The following ATP10B variants were observed in gnomAD, a reference collection of about 807,000 sequenced individuals.
ATP10B encodes the protein ATPase phospholipid transporting 10B (putative), also known as phospholipid-transporting ATPase VB.
In ATP10B, 122 loss-of-function variants were observed where a neutral mutation model predicts 141.2. That is an observed-to-expected ratio of 0.86 (90% confidence interval 0.75 to 1.00). ATP10B has a LOEUF of 1.00. Ranked by LOEUF, ATP10B falls within the 50% of genes least tolerant of loss-of-function variation. ATP10B has a pLI of 0.00. For synonymous variants in ATP10B, 685 were observed against 692.0 expected (o/e 0.99, Z 0.16); for missense variants, 1,876 against 1,825.3 (o/e 1.03, Z -0.51).
intron 2 of ATP10B, among the ~76,000 whole-genome samples, chr5:160,732,744 G>T (rs962796940): frequency 6.6e-6 from 1 of 152,152 alleles, no homozygotes; most frequent in Admixed American, 6.6e-5. Context: ...GCCTCTAGCT[G>T]TATTCATTTT....
intron 3 of ATP10B, among the ~76,000 whole-genome samples, chr5:160,691,983 G>T (rs1764100627): frequency 6.6e-6 from 1 of 152,230 alleles, no homozygotes; most frequent in South Asian, 2.1e-4. Flanking sequence ...GAAATGAAAA[G>T]ATAATTTATG....
At chr5:160,657,966 C>T (rs1333944441) in intron 7 of ATP10B, among the ~76,000 whole-genome samples, 2 of 152,218 alleles carry the variant, frequency 1.3e-5, no homozygotes, top group African/African-American at 4.8e-5. Flanking sequence ...CTTTTCTGTA[C>T]AAATTCTTTC....
At position 160,805,333 on chromosome 5, in the gene ATP10B, C is replaced by T. The variant is rs529678369; in HGVS notation, c.-575-19530G>A. ...TGTCTCCTGCATGGCAGCTCCTCAGCGTATCCACATTAAACAATCACTTGT... is the reference window on the plus strand; with the variant it reads ...TGTCTCCTGCATGGCAGCTCCTCAGTGTATCCACATTAAACAATCACTTGT... On this transcript the variant is annotated intron_variant, in intron 1 of 25. Coordinates refer to ENST00000327245, the MANE Select transcript of ATP10B (RefSeq NM_025153.3). 1.2e-4 allele frequency among the ~76,000 whole-genome samples: 18 copies of T among 152,274 alleles called. No individual in the cohort carries two copies. The South Asian group carries it at 1.9e-3, about 16-fold the overall frequency.
At chr5:160,812,201 G>A (rs1773228376) in intron 1 of ATP10B, among the ~76,000 whole-genome samples, 1 of 152,210 alleles carries the variant, frequency 6.6e-6, no homozygotes, top group African/African-American at 2.4e-5. Flanking sequence ...GAACCACAGT[G>A]TTATTGGGCT....
intron 18 of ATP10B, among the ~76,000 whole-genome samples, chr5:160,608,882 G>A (rs1757554361): frequency 6.6e-6 from 1 of 152,120 alleles, no homozygotes; most frequent in African/African-American, 2.4e-5. Flanking sequence ...TCTGTAGGTT[G>A]CCTGTTCACT....
chr5:160,761,660 T>C (rs1428718165), intron 2 of ATP10B, among the ~76,000 whole-genome samples: 2 of 152,136 alleles, frequency 1.3e-5, no homozygotes, highest in African/African-American at 4.8e-5. Context: ...ATTCTGGTAA[T>C]ATGACAGAAC....
At chr5:160,857,422 T>C in the ATP10B span, among the ~76,000 whole-genome samples, 1 of 151,832 alleles carries the variant, frequency 6.6e-6, no homozygotes. Flanking sequence ...TTGTCTATTC[T>C]CTTGTCAGTC....
chr5:160,692,828 A>T (rs1239031219), intron 3 of ATP10B: 1 of 152,216 alleles, frequency 6.6e-6, no homozygotes, highest in Non-Finnish European at 1.5e-5. Flanking sequence ...ACGGAGGTGG[A>T]TTTGAGGTTT....
rs755812137 is a variant in ATP10B, at chr5:160,644,143, T to C, written c.863A>G (p.Tyr288Cys). Reference sequence around the variant, plus strand: ...GAAACTACCCAGACAATGACCTGCATAGATGACAATGCCAACAGCCATCTC... The same window carrying C: ...GAAACTACCCAGACAATGACCTGCACAGATGACAATGCCAACAGCCATCTC... ...NTEMAVGIVI[Y>C]AGHETKAMLN... Residue 288 changes from tyrosine to cysteine, a missense_variant, in exon 9 of 26, where the codon TAT becomes TGT. Physicochemically the swap from Tyr to Cys is radical, Grantham distance 194 (BLOSUM62 -2). Coordinates refer to ENST00000327245, the MANE Select transcript of ATP10B (RefSeq NM_025153.3). 5 of 1,613,294 alleles carry C rather than the reference T, an allele frequency of 3.1e-6. No homozygotes were observed. In the Admixed American group the frequency reaches 6.7e-5, roughly 22 times the overall value.
chr5:160,886,694 T>C, the ATP10B span, among the ~76,000 whole-genome samples: 1 of 152,140 alleles, frequency 6.6e-6, no homozygotes, highest in Non-Finnish European at 1.5e-5. Context: ...AGAGTGGTCC[T>C]TTTCCTTCCT....
At chr5:160,897,281 T>C in the ATP10B span, among the ~76,000 whole-genome samples, 5 of 152,242 alleles carry the variant, frequency 3.3e-5, no homozygotes, top group African/African-American at 1.2e-4. Context: ...CATGATTGTA[T>C]ATTTAGAAAA....
chr5:160,924,035 A>G, the ATP10B span, among the ~76,000 whole-genome samples: 1 of 152,248 alleles, frequency 6.6e-6, no homozygotes, highest in Non-Finnish European at 1.5e-5. Flanking sequence ...GTAGTTAAGC[A>G]GCTCAACTAT....
At chr5:160,834,397 T>C (rs186055237) in intron 1 of ATP10B, among the ~76,000 whole-genome samples, 111 of 152,194 alleles carry the variant, frequency 7.3e-4, no homozygotes, top group Non-Finnish European at 1.4e-3. Flanking sequence ...TAACATCTGA[T>C]TCTTATGCTC....
the ATP10B span, among the ~76,000 whole-genome samples, chr5:160,919,672 C>A: frequency 1.3e-5 from 2 of 152,208 alleles, no homozygotes; most frequent in Non-Finnish European, 2.9e-5. Context: ...CCCCTCTCTG[C>A]TGACTGATCT....
At chr5:160,876,516 G>A in the ATP10B span, among the ~76,000 whole-genome samples, 9 of 146,200 alleles carry the variant, frequency 6.2e-5, no homozygotes, top group African/African-American at 2.2e-4. Context: ...GCTAGCAGAA[G>A]GCAAGAAATA....
chr5:160,726,488 A>G (rs1350927017), intron 2 of ATP10B, among the ~76,000 whole-genome samples: 4 of 152,192 alleles, frequency 2.6e-5, no homozygotes, highest in African/African-American at 9.7e-5. Context: ...AACAGATGCC[A>G]TCAGGTGCTG....
At chr5:160,843,708 A>C (rs1775943373) in intron 1 of ATP10B, among the ~76,000 whole-genome samples, 1 of 152,140 alleles carries the variant, frequency 6.6e-6, no homozygotes, top group Non-Finnish European at 1.5e-5. Flanking sequence ...ACAAAGACCA[A>C]TCTATCTCTC....
chr5:160,621,197 A>ACT (rs1233508850), intron 14 of ATP10B, among the ~76,000 whole-genome samples: 1 of 152,132 alleles, frequency 6.6e-6, no homozygotes, highest in Non-Finnish European at 1.5e-5. Context: ...CATTTCCTGA[A>ACT]CTCTCACTAT....
chr5:160,575,705 A>C (rs760364299), intron 24 of ATP10B, among the ~76,000 whole-genome samples: 4 of 151,280 alleles, frequency 2.6e-5, no homozygotes, highest in African/African-American at 9.7e-5. Flanking sequence ...TTAAACAAAT[A>C]AAAAAAAACC....
Sources: gnomAD v4.1 joint callset for allele counts (sites outside exome capture counted in the v4.1 genomes callset) on GRCh38, gnomAD v4.1.1 for gene constraint, MANE v1.5 for transcripts, NCBI Gene and HGNC (gene_info 2026-07-23, HGNC 2026-07-21) for gene names.